MUC5AC: variants seen among roughly 807,000 people sequenced by gnomAD.
The protein encoded by MUC5AC is mucin-5AC.
Under a neutral mutation model 169.7 loss-of-function variants are expected in MUC5AC, and 158 were observed. The ratio of observed to expected loss-of-function variants is 0.93; its 90% CI spans 0.82 to 1.06. The LOEUF (loss-of-function observed/expected upper bound fraction) is 1.06. Ranked by LOEUF, MUC5AC falls within the 50% of genes least tolerant of loss-of-function variation. MUC5AC has a pLI of 0.00. For synonymous variants in MUC5AC, 1,975 were observed against 1,237.0 expected, an observed-to-expected ratio of 1.60 and a Z score of -12.52; for missense variants, 4,359 against 3,089.9, an observed-to-expected ratio of 1.41 and a Z score of -9.74.
rs1378668395 is a variant in MUC5AC at position 1,187,276 on chromosome 11, C to T, written c.9131C>T (p.Thr3044Ile). ...ACAACCTCTACCCCTACAAGCAGCA[C>T]AACCTCCTCTCCACAGACCAGCACA... Reference protein sequence around the residue: ...TSTTSTPTSSTTSSPQTSTTS... With the variant: ...TSTTSTPTSSITSSPQTSTTS... The change falls in exon 31 of 49, where the codon ACA becomes ATA. Residue 3044 changes from threonine (T) to isoleucine (I), a missense_variant. Physicochemically the swap from Thr to Ile is moderately conservative, Grantham distance 89 (BLOSUM62 -1). Transcript: ENST00000621226. 5 of 697,558 alleles carry T rather than the reference C, an allele frequency of 7.2e-6. No homozygotes were observed. The highest frequency in any genetic ancestry group is 1.3e-5 in the Non-Finnish European group (5 of 383,020). 43.2% of individuals were successfully genotyped at this position (697,558 alleles called of 1,614,324 possible). A position where few individuals can be genotyped will look rare whatever the true frequency, so the allele number is the denominator to read the frequency against.
Position 1,188,356 on chromosome 11 carries a change from C to T in MUC5AC, c.10211C>T (p.Thr3404Ile), listed in dbSNP as rs1380556577. 3.1e-6 allele frequency: 2 copies of T among 645,502 alleles called. No individual in the cohort carries two copies. The highest frequency in any genetic ancestry group is 2.1e-5 in the Admixed American group (1 of 46,734). The allele number at this position is 645,502 out of a possible 1,614,324, so 40.0% of individuals were successfully genotyped here. ...ACCAGCACAACCTCCACTCCACAGA[C>T]CAGCATATCCTCTGCCCCTACAAGC... ...PTTSTTSTPQ[T>I]SISSAPTSST... is the part of the protein sequence containing the mutation. The change falls in exon 31 of 49, where the codon ACC (threonine) becomes ATC (isoleucine). Residue 3404 changes from threonine (T) to isoleucine (I), a missense_variant. Coordinates refer to ENST00000621226, the MANE Select transcript of MUC5AC (RefSeq NM_001304359.2).
chr11:1,198,573 G>A lies in MUC5AC; in HGVS notation c.16173+268G>A, dbSNP rs377488349. On this transcript the variant is annotated intron_variant, in intron 43 of 48. Coordinates refer to ENST00000621226, the MANE Select transcript of MUC5AC (RefSeq NM_001304359.2). ...TGGCACCACAGCACAGCCAGGCCTG[G>A]ATCCCACGGCTCTGTCCTGAGCCGG... is the stretch of plus-strand genomic sequence containing the variant. Among the ~76,000 whole-genome samples, 67 of 152,186 alleles carry A rather than the reference G, an allele frequency of 4.4e-4. 3 individuals carry two copies. In the South Asian group the frequency reaches 0.014, roughly 31 times the overall value.
intron 1 of MUC5AC, among the ~76,000 whole-genome samples, chr11:1,160,103 G>C (rs1272653404): frequency 6.6e-6 from 1 of 152,122 alleles, no homozygotes; most frequent in Non-Finnish European, 1.5e-5. Flanking sequence ...GCTGAAATCT[G>C]GTGACATTCT....
intron 27 of MUC5AC, 94 bp from the exon 28 acceptor site, chr11:1,180,260 G>A (rs1025528123): frequency 8.5e-5 from 34 of 398,476 alleles, no homozygotes; most frequent in South Asian, 1.3e-4. Context: ...TGGTGCTGTC[G>A]GCGAGGCCCG....
In MUC5AC at chr11:1,200,707, C is replaced by A; in HGVS notation, c.*5C>A. 2.8e-6 allele frequency: 2 copies of A among 726,694 alleles called. No individual in the cohort carries two copies. The highest frequency in any genetic ancestry group is 5.1e-6 in the Non-Finnish European group (2 of 393,072). The allele number at this position is 726,694 out of a possible 1,614,324, so 45.0% of individuals were successfully genotyped here. On this transcript the variant is annotated 3_prime_UTR_variant, in exon 49 of 49. Transcript: ENST00000621226. The stretch of plus-strand genomic sequence containing the variant: ...CCAGTGTCCCCCATGCACTGACCAG[C>A]ACTGCCGCCCTCCTGACCTCCAAGG...
intron 2 of MUC5AC, among the ~76,000 whole-genome samples, 179 bp downstream of exon 2, chr11:1,160,868 G>C (rs1860122890): frequency 6.6e-6 from 1 of 152,198 alleles, no homozygotes; most frequent in Non-Finnish European, 1.5e-5. Flanking sequence ...CACACTACCT[G>C]CCTCTCCTTG....
Position 1,173,247 on chromosome 11 carries a change from TACTC to T in MUC5AC, c.1965+732_1965+735del, listed in dbSNP as rs1421882690. ...GAATTTCTTCACTCATTTACTCATT[TACTC>T]ACTCACTAATTCCTTCACTTATTCA... On this transcript the variant is annotated intron_variant, in intron 16 of 48. Transcript: ENST00000621226. 2.5e-4 allele frequency among the ~76,000 whole-genome samples: 37 copies of T among 149,422 alleles called. 1 individual carries two copies. The South Asian group carries it at 5.2e-3, about 21-fold the overall frequency.
intron 15 of MUC5AC, among the ~76,000 whole-genome samples, chr11:1,170,123 CCAT>C (rs1860459579): frequency 8.8e-6 from 1 of 113,852 alleles, no homozygotes; most frequent in African/African-American, 3.7e-5. Flanking sequence ...ACCCATTCAC[CCAT>C]TCACTCACTC....
chr11:1,185,932 C>T lies in MUC5AC; in HGVS notation c.7787C>T (p.Pro2596Leu). 4 of 744,110 alleles carry T rather than the reference C, an allele frequency of 5.4e-6. No individual in the cohort carries two copies. Among genetic ancestry groups the T allele is most frequent in the Non-Finnish European group, 9.8e-6 (4 of 407,506 alleles). The allele number at this position is 744,110 out of a possible 1,614,324, so 46.1% of individuals were successfully genotyped here. ...ACAACCTCTGGTCCTGGAACTACTC[C>T]CAGTGCTGTTCCCACCACCAGCATA... Reference protein sequence around the residue: ...TSTTSGPGTTPSAVPTTSITS... With the variant: ...TSTTSGPGTTLSAVPTTSITS... The change falls in exon 31 of 49, where the codon CCC (proline) becomes CTC (leucine). Residue 2596 changes from proline to leucine, a missense_variant. Coordinates refer to ENST00000621226, the MANE Select transcript of MUC5AC (RefSeq NM_001304359.2).
At chr11:1,198,482 G>A (rs946932548) in intron 43 of MUC5AC, among the ~76,000 whole-genome samples, 177 bp downstream of exon 43, 9 of 152,108 alleles carry the variant, frequency 5.9e-5, no homozygotes, top group Non-Finnish European at 1.0e-4. Flanking sequence ...CCCAGGTCCC[G>A]GAAATATGGA....
chr11:1,198,598 G>A (rs1316329534), intron 43 of MUC5AC, among the ~76,000 whole-genome samples: 2 of 152,146 alleles, frequency 1.3e-5, no homozygotes, highest in Non-Finnish European at 2.9e-5. Flanking sequence ...TCCTGAGCCG[G>A]CTGAGTATGT....
At chr11:1,171,306 CT>C (rs1860518309) in intron 15 of MUC5AC, among the ~76,000 whole-genome samples, 2 of 114,428 alleles carry the variant, frequency 1.7e-5, no homozygotes, top group African/African-American at 3.6e-5. Flanking sequence ...ACTCACTCAC[CT>C]ACTCACTCAG....
In MUC5AC at chr11:1,186,176, T is replaced by G; in HGVS notation, c.8031T>G (p.Thr2677=). 3.2e-6 allele frequency: 2 copies of G among 628,454 alleles called. No individual in the cohort carries two copies. The highest frequency in any genetic ancestry group is 2.8e-6 in the Non-Finnish European group (1 of 355,620). The allele number at this position is 628,454 out of a possible 1,614,324, so 38.9% of individuals were successfully genotyped here. ...STISVPTTST[T]SASTTSTTSA... is the part of the protein sequence containing the mutation. Reference sequence around the variant, plus strand: ...TCTCTGTTCCTACCACCAGCACAACTTCTGCTTCTACAACCAGCACAACCT... The same window carrying G: ...TCTCTGTTCCTACCACCAGCACAACGTCTGCTTCTACAACCAGCACAACCT... Residue 2677 remains threonine, a synonymous_variant, in exon 31 of 49, where the codon ACT becomes ACG. Coordinates refer to ENST00000621226, the MANE Select transcript of MUC5AC (RefSeq NM_001304359.2).
rs1357453147 is a variant in MUC5AC, at chr11:1,190,288, T to C, written c.12143T>C (p.Val4048Ala). 7.1e-6 allele frequency: 5 copies of C among 704,264 alleles called. No homozygotes were observed. The highest frequency in any genetic ancestry group is 1.6e-5 in the South Asian group (1 of 63,944). The allele number at this position is 704,264 out of a possible 1,614,324, so 43.6% of individuals were successfully genotyped here. Residue 4048 changes from valine to alanine, a missense_variant, in exon 31 of 49, where the codon GTG becomes GCG. Transcript: ENST00000621226. ...FKMCLNYEVR[V>A]LCCETPKGCP... ...ATGTGCCTCAACTACGAGGTGCGTG[T>C]GCTCTGCTGCGAGACCCCCAAAGGC...
Position 1,160,699 on chromosome 11 carries a change from A to G in MUC5AC, c.151+10A>G. Reference sequence around the variant, plus strand: ...GCCCGGGGGCCCAGCGGTGAGTCTGAGTGTCCGGCCCCCACCCTAAGCCTG... The same window carrying G: ...GCCCGGGGGCCCAGCGGTGAGTCTGGGTGTCCGGCCCCCACCCTAAGCCTG... On this transcript the variant is annotated intron_variant, in intron 2 of 48. Transcript: ENST00000621226. 6.2e-7 allele frequency: 1 copy of G among 1,606,640 alleles called. No individual in the cohort carries two copies. The highest frequency in any genetic ancestry group is 8.5e-7 in the Non-Finnish European group (1 of 1,178,058).
chr11:1,198,263 G>C lies in MUC5AC; in HGVS notation c.16136-5G>C, dbSNP rs1861335415. 2.7e-6 allele frequency: 2 copies of C among 753,462 alleles called. No homozygotes were observed. The highest frequency in any genetic ancestry group is 4.8e-6 in the Non-Finnish European group (2 of 412,784). The allele number at this position is 753,462 out of a possible 1,614,324, so 46.7% of individuals were successfully genotyped here. A position where few individuals can be genotyped will look rare whatever the true frequency, so the allele number is the denominator to read the frequency against. On this transcript the variant is annotated splice_polypyrimidine_tract_variant and splice_region_variant and intron_variant, in intron 42 of 48. Coordinates refer to ENST00000621226, the MANE Select transcript of MUC5AC (RefSeq NM_001304359.2). ...GGGTGCAGCTGCTTGTCTTCTCGTG[G>C]GCAGGCTGGACAGTGTGCAGCATCA...
Position 1,174,535 on chromosome 11 carries a change from G to A in MUC5AC, c.2005G>A (p.Asp669Asn). 1.3e-6 allele frequency: 2 copies of A among 1,565,286 alleles called. No homozygotes were observed. Among genetic ancestry groups the A allele is most frequent in the South Asian group, 1.2e-5 (1 of 85,156 alleles). Reference sequence around the variant, plus strand: ...CACCTGCAACTGTGAGCGGAGCGAGGACTGCCTGTGCGCCGCGCTGTCCTC... The same window carrying A: ...CACCTGCAACTGTGAGCGGAGCGAGAACTGCCTGTGCGCCGCGCTGTCCTC... Reference protein sequence around the residue: ...FDTCNCERSEDCLCAALSSYV... With the variant: ...FDTCNCERSENCLCAALSSYV... The change falls in exon 17 of 49, where the codon GAC becomes AAC. Residue 669 changes from aspartate to asparagine, a missense_variant. Transcript: ENST00000621226.
rs576870620 is a variant in MUC5AC, at chr11:1,162,604, G to T, written c.546G>T (p.Arg182Ser). The T allele has an allele frequency of 4.7e-5, 75 of 1,612,642 alleles. No homozygotes were observed. The highest frequency in any genetic ancestry group is 5.8e-5 in the Non-Finnish European group (68 of 1,179,874). ...GCAGCTACACCAAGGTGGAGGCCAG[G>T]CTGGGCCTTGTCCTCATGTGGAACC... is the stretch of plus-strand genomic sequence containing the variant. ...QSSSYTKVEA[R>S]LGLVLMWNHD... The change falls in exon 5 of 49, where the codon AGG becomes AGT. Residue 182 changes from arginine (R) to serine (S), a missense_variant. Arg to Ser is a moderately radical substitution (Grantham distance 110). Coordinates refer to ENST00000621226, the MANE Select transcript of MUC5AC (RefSeq NM_001304359.2).
chr11:1,163,254 A>G (rs1462822195), intron 6 of MUC5AC, among the ~76,000 whole-genome samples: 1 of 152,194 alleles, frequency 6.6e-6, no homozygotes, highest in Non-Finnish European at 1.5e-5. Context: ...CAAATCGCCC[A>G]TTGGGCCCCT....
Sources: allele counts gnomAD v4.1 joint callset (sites outside exome capture counted in the v4.1 genomes callset), GRCh38; gene constraint gnomAD v4.1.1; transcripts MANE v1.5; gene names NCBI Gene and HGNC (gene_info 2026-07-23, HGNC 2026-07-21).